Variants in SETX observed in about 807,000 individuals in gnomAD.
SETX encodes senataxin.
SETX carries 90 observed loss-of-function variants against 227.2 expected under a neutral mutation model. That is an observed-to-expected ratio of 0.40 (90% CI 0.33 to 0.47). The LOEUF is 0.47. Among genes scored for constraint, SETX ranks in the 20% least tolerant of loss-of-function variants. The pLI, the probability that SETX is intolerant of heterozygous loss-of-function variation, is 0.91. For synonymous variants in SETX, 1,210 were observed against 1,113.2 expected (o/e 1.09, Z -1.73); for missense variants, 3,052 against 3,181.5 (o/e 0.96, Z 0.98).
chr9:132,286,381 A>G (rs1176609345), intron 18 of SETX, 42 bp downstream of exon 18: 4 of 1,178,466 alleles, frequency 3.4e-6, no homozygotes, highest in East Asian at 4.2e-5. Flanking sequence ...TTTAAAAAGA[A>G]AAAAAAAAAA....
In SETX at chr9:132,265,287, G is replaced by A. The variant is rs150197925; in HGVS notation, c.7288-302C>T. On this transcript the variant is annotated intron_variant, in intron 25 of 25. Coordinates refer to ENST00000224140, the MANE Select transcript of SETX (RefSeq NM_015046.7). ...TGTTGCCAGGCTGGAGTGCAGTGGCGCGATCTTGGCTCACTGCAACCTCCA... is the reference window on the plus strand; with the variant it reads ...TGTTGCCAGGCTGGAGTGCAGTGGCACGATCTTGGCTCACTGCAACCTCCA... Among the ~76,000 whole-genome samples the A allele has an allele frequency of 6.5e-3, 932 of 144,486 alleles. 14 individuals are homozygous for A. The highest frequency in any genetic ancestry group is 0.022 in the African/African-American group (855 of 38,414). The allele number at this position is 144,486 out of a possible 152,430, so 94.8% of individuals were successfully genotyped here. A position where few individuals can be genotyped will look rare whatever the true frequency, so the allele number is the denominator to read the frequency against.
chr9:132,268,411 G>A (rs943768814), intron 25 of SETX, among the ~76,000 whole-genome samples: 17 of 152,224 alleles, frequency 1.1e-4, no homozygotes, highest in African/African-American at 3.9e-4. Flanking sequence ...TGAGGTGGGA[G>A]AACGGCTTAA....
Position 132,327,199 on chromosome 9 carries a change from C to T in SETX, c.4399G>A (p.Gly1467Arg). ...ATATGACGTGCTGTTGGATCACCTC[C>T]ACCCAGAGGGTCTTCTGAAGTGGAG... ...IVSTSEDPLG[G>R]GDPTARHIEM... Residue 1467 changes from glycine (G) to arginine (R), a missense_variant, in exon 10 of 26, where the codon GGA (glycine) becomes AGA (arginine). Gly to Arg is a moderately radical substitution (Grantham distance 125). Coordinates refer to ENST00000224140, the MANE Select transcript of SETX (RefSeq NM_015046.7). The T allele has an allele frequency of 6.2e-7, 1 of 1,614,240 alleles. No homozygotes were observed.
At chr9:132,352,053 C>A (rs368757646) in intron 2 of SETX, among the ~76,000 whole-genome samples, 1 of 152,232 alleles carries the variant, frequency 6.6e-6, no homozygotes, top group African/African-American at 2.4e-5. Flanking sequence ...CAATCTCTTT[C>A]TTCTACACTT....
intron 24 of SETX, among the ~76,000 whole-genome samples, chr9:132,271,302 G>A (rs200258543): frequency 2.6e-5 from 4 of 152,210 alleles, no homozygotes; most frequent in East Asian, 1.9e-4. Context: ...AGTGACTCAC[G>A]CCTGTAATCC....
rs998012 is a variant in SETX at position 132,351,656 on chromosome 9, A to C, written c.-8+1993T>G. ...GCTGTGTGTGTGGTTTTGTCTTCAA[A>C]TTTAAAATCATCACTGGCCTAATGG... On this transcript the variant is annotated intron_variant, in intron 2 of 25. Transcript: ENST00000224140. Among the ~76,000 whole-genome samples, 1,182 of 152,298 alleles carry C rather than the reference A, an allele frequency of 7.8e-3. 6 individuals carry two copies. Among genetic ancestry groups the C allele is most frequent in the South Asian group, 0.025 (119 of 4,830 alleles).
chr9:132,320,593 CAAAAAAAAAAAAA>C (rs141457619), intron 10 of SETX, among the ~76,000 whole-genome samples: 6 of 61,068 alleles, frequency 9.8e-5, no homozygotes, highest in South Asian at 7.6e-4. Context: ...GACTCCAACT[CAAAAAAAAAAAAA>C]AAAAAAAAAA....
chr9:132,328,660 A>T lies in SETX; in HGVS notation c.2938T>A (p.Ser980Thr). The change falls in exon 10 of 26, where the codon TCA (serine) becomes ACA (threonine). Residue 980 changes from serine to threonine, a missense_variant. Around this residue, in one of 10 missense-constraint regions of SETX, gnomAD observed 1,483 missense variants for 1,312.0 expected, o/e 1.13. Transcript: ENST00000224140. ...TGCAGCTGCGATGAGTTCTGAGGTG[A>T]ATCGGATGGGAACGTAATAACACTG... ...QASVITFPSD[S>T]PQNSSQLQRK... The T allele has an allele frequency of 1.2e-6, 2 of 1,613,232 alleles. No individual in the cohort carries two copies.
Position 132,277,085 on chromosome 9 carries a change from C to T in SETX, c.6910G>A (p.Asp2304Asn). Reference protein sequence around the residue: ...FQPYLVFDVGDGSERRDNDSY... With the variant: ...FQPYLVFDVGNGSERRDNDSY... Reference sequence around the variant, plus strand: ...TCATTATCCCGTCTTTCTGAACCATCTCCAACATCAAACACAAGGTATGGC... The same window carrying T: ...TCATTATCCCGTCTTTCTGAACCATTTCCAACATCAAACACAAGGTATGGC... Residue 2304 changes from aspartate (D) to asparagine (N), a missense_variant, in exon 22 of 26, where the codon GAT (aspartate) becomes AAT (asparagine). By Grantham distance (23) the Asp-to-Asn change is conservative (BLOSUM62 1). Transcript: ENST00000224140. The T allele has an allele frequency of 6.2e-7, 1 of 1,613,910 alleles. No individual in the cohort carries two copies. Among genetic ancestry groups the T allele is most frequent in the Non-Finnish European group, 8.5e-7 (1 of 1,179,950 alleles).
Position 132,269,641 on chromosome 9 carries a change from T to A in SETX, c.7261A>T (p.Ile2421Phe). ...ATCAGGGTCCTCAAATGTCCGAGGATGAAGAGGCTGTACTTGGCTCGTGTG... is the reference window on the plus strand; with the variant it reads ...ATCAGGGTCCTCAAATGTCCGAGGAAGAAGAGGCTGTACTTGGCTCGTGTG... ...TITRAKYSLF[I>F]LGHLRTLMEN... Residue 2421 changes from isoleucine to phenylalanine, a missense_variant, in exon 25 of 26, where the codon ATC (isoleucine) becomes TTC (phenylalanine). Ile to Phe is a conservative substitution (Grantham distance 21). Around this residue, in one of 10 missense-constraint regions of SETX, gnomAD observed 412 missense variants for 589.0 expected, o/e 0.70. Coordinates refer to ENST00000224140, the MANE Select transcript of SETX (RefSeq NM_015046.7). 6.2e-7 allele frequency: 1 copy of A among 1,614,232 alleles called. No homozygotes were observed. The highest frequency in any genetic ancestry group is 8.5e-7 in the Non-Finnish European group (1 of 1,180,026).
chr9:132,271,882 T>C, intron 23 of SETX, 74 bp from the exon 24 acceptor site: 1 of 1,363,992 alleles, frequency 7.3e-7, no homozygotes, highest in South Asian at 1.2e-5. Context: ...ATAAACTAGT[T>C]TTTTGGTTTT....
At chr9:132,265,562 G>A (rs954665048) in intron 25 of SETX, among the ~76,000 whole-genome samples, 45 of 152,038 alleles carry the variant, frequency 3.0e-4, no homozygotes, top group African/African-American at 8.9e-4. Flanking sequence ...CAACTGCAAC[G>A]CAGGTCTGCA....
rs575024321 is a variant in SETX at position 132,273,171 on chromosome 9, T to TTG, written c.7101-1364_7101-1363insCA. On this transcript the variant is annotated intron_variant, in intron 23 of 25. Transcript: ENST00000224140. ...TTCACATTTATTTAGGTGGTTTTTTTTTTGTTTTGAGATGGAATTTCGCTC... is the reference window on the plus strand; with the variant it reads ...TTCACATTTATTTAGGTGGTTTTTTTTGTTTGTTTTGAGATGGAATTTCGCTC... Among the ~76,000 whole-genome samples the TTG allele has an allele frequency of 2.6e-4, 40 of 152,150 alleles. No homozygotes were observed. In the East Asian group the frequency reaches 7.0e-3, roughly 27 times the overall value.
chr9:132,305,248 G>A (rs1184531685), intron 11 of SETX, among the ~76,000 whole-genome samples: 1 of 151,146 alleles, frequency 6.6e-6, no homozygotes, highest in Non-Finnish European at 1.5e-5. Flanking sequence ...CAGCAACTCG[G>A]GAGGCTGAGG....
chr9:132,328,665 G>C lies in SETX; in HGVS notation c.2933C>G (p.Ser978Cys), dbSNP rs1399948600. The C allele has an allele frequency of 6.2e-7, 1 of 1,613,440 alleles. No homozygotes were observed. Among genetic ancestry groups the C allele is most frequent in the African/African-American group, 1.3e-5 (1 of 75,024 alleles). Residue 978 changes from serine (S) to cysteine (C), a missense_variant, in exon 10 of 26, where the codon TCC (serine) becomes TGC (cysteine). By Grantham distance (112) the Ser-to-Cys change is moderately radical. This residue lies in a region of SETX where 1,483 missense variants were observed against 1,312.0 expected (regional missense o/e 1.13). Coordinates refer to ENST00000224140, the MANE Select transcript of SETX (RefSeq NM_015046.7). The part of the protein sequence containing the change: ...LAQASVITFP[S>C]DSPQNSSQLQ... The stretch of plus-strand genomic sequence containing the variant: ...CTGCGATGAGTTCTGAGGTGAATCG[G>C]ATGGGAACGTAATAACACTGGCTTG...
chr9:132,272,164 C>T (rs1842936402), intron 23 of SETX, among the ~76,000 whole-genome samples: 1 of 152,016 alleles, frequency 6.6e-6, no homozygotes. Context: ...GCCACCGCGT[C>T]CGGCTTAGTT....
At chr9:132,344,957 A>C (rs548752813) in intron 4 of SETX, among the ~76,000 whole-genome samples, 1 of 152,204 alleles carries the variant, frequency 6.6e-6, no homozygotes, top group African/African-American at 2.4e-5. Context: ...TGAAATGCAA[A>C]TATCAACAAC....
chr9:132,305,162 G>A (rs1659419145), intron 11 of SETX, among the ~76,000 whole-genome samples: 1 of 151,394 alleles, frequency 6.6e-6, no homozygotes, highest in Non-Finnish European at 1.5e-5. Context: ...AGACCATCCT[G>A]GCTAACATGG....
intron 20 of SETX, among the ~76,000 whole-genome samples, chr9:132,278,861 T>C (rs1411849916): frequency 2.0e-5 from 3 of 152,200 alleles, no homozygotes; most frequent in African/African-American, 7.2e-5. Flanking sequence ...AAATTCTTCA[T>C]TCATCCATCT....
Sources: gnomAD v4.1 joint callset for allele counts (sites outside exome capture counted in the v4.1 genomes callset) on GRCh38, gnomAD v4.1.1 for gene constraint, gnomAD v4.1.1 regional missense constraint, MANE v1.5 for transcripts, NCBI Gene and HGNC (gene_info 2026-07-23, HGNC 2026-07-21) for gene names.